KCNN2: variants seen among roughly 807,000 people sequenced by gnomAD.
KCNN2 encodes potassium calcium-activated channel subfamily N member 2.
A neutral mutation model predicts 55.5 loss-of-function variants in KCNN2; 24 were observed. That is an observed-to-expected ratio of 0.43 (90% CI 0.31 to 0.61). The LOEUF (loss-of-function observed/expected upper bound fraction) is 0.61. Ranked by LOEUF, KCNN2 falls within the 20% of genes least tolerant of loss-of-function variation. The probability of loss-of-function intolerance (pLI) is 0.08; values close to 1 mark genes in which losing one functional copy is unlikely to be tolerated. For synonymous variants in KCNN2, 431 were observed against 336.1 expected (o/e 1.28, Z -3.09); for missense variants, 754 against 853.6 (o/e 0.88, Z 1.45).
chr5:114,354,091 TG>T (rs1158773635), intron 2 of KCNN2, among the ~76,000 whole-genome samples: 1 of 151,998 alleles, frequency 6.6e-6, no homozygotes, highest in Non-Finnish European at 1.5e-5. Flanking sequence ...TCTGAGGTGC[TG>T]GGGGTTTTCT....
rs772401521 is a variant in KCNN2 at position 114,364,010 on chromosome 5, G to A, written c.1218+9G>A. The A allele has an allele frequency of 5.6e-6, 9 of 1,603,258 alleles. No individual in the cohort carries two copies. In the Admixed American group the frequency reaches 6.7e-5, roughly 12 times the overall value. On this transcript the variant is annotated intron_variant, in intron 2 of 7. Transcript: ENST00000673685. ...ACGCCAGGGAAATACAGGTAACTTAGGTCCTGCTGTTTATGAATGACCCAA... is the reference window on the plus strand; with the variant it reads ...ACGCCAGGGAAATACAGGTAACTTAAGTCCTGCTGTTTATGAATGACCCAA...
intron 1 of KCNN2, among the ~76,000 whole-genome samples, chr5:114,169,929 T>C (rs540750663): frequency 6.6e-6 from 1 of 152,214 alleles, no homozygotes; most frequent in East Asian, 1.9e-4. Context: ...TAGGCCCCCT[T>C]CTTATTATCC....
Position 114,362,183 on chromosome 5 carries a change from AGCC to A in KCNN2, c.59_61del (p.Pro20del), listed in dbSNP as rs566655645. 9.5e-4 allele frequency: 163 copies of A among 172,454 alleles called. No individual in the cohort carries two copies. The highest frequency in any genetic ancestry group is 2.0e-3 in the South Asian group (14 of 7,146). The allele number at this position is 172,454 out of a possible 1,614,324, so 10.7% of individuals were successfully genotyped here. Reference sequence around the variant, plus strand: ...TTCCAGCGCGGCTTCTTCCCAGAGCAGCCGCCGCCGCCGCCGCGCTCCTCACAC... The same window carrying A: ...TTCCAGCGCGGCTTCTTCCCAGAGCAGCCGCCGCCGCCGCGCTCCTCACAC... On this transcript the variant is annotated inframe_deletion, in exon 1 of 8. Coordinates refer to ENST00000673685, the MANE Select transcript of KCNN2 (RefSeq NM_021614.4).
At position 114,351,025 on chromosome 5, in the gene KCNN2, A is replaced by G. The variant is rs532753351; in HGVS notation, c.-184-9920A>G. Among the ~76,000 whole-genome samples the G allele has an allele frequency of 3.9e-5, 6 of 151,940 alleles. No homozygotes were observed. In the East Asian group the frequency reaches 9.6e-4, roughly 24 times the overall value. On this transcript the variant is annotated intron_variant, in intron 2 of 10. Coordinates refer to the KCNN2 transcript ENST00000512097. Reference sequence around the variant, plus strand: ...AGGATTTTGATAGGGATTTGATTGTATCTGTGGGTCAGTTTAGAGACTCTT... The same window carrying G: ...AGGATTTTGATAGGGATTTGATTGTGTCTGTGGGTCAGTTTAGAGACTCTT...
intron 2 of KCNN2, among the ~76,000 whole-genome samples, chr5:114,329,072 A>G (rs923839932): frequency 3.3e-5 from 5 of 152,092 alleles, no homozygotes; most frequent in South Asian, 2.1e-4. Context: ...CCTTCTTTAT[A>G]TTCCTAGATA....
Position 114,479,928 on chromosome 5 carries a change from A to G in KCNN2, c.1890+6764A>G, listed in dbSNP as rs539143218. 2.6e-5 allele frequency among the ~76,000 whole-genome samples: 4 copies of G among 152,170 alleles called. No homozygotes were observed. The East Asian group carries it at 7.7e-4, about 29-fold the overall frequency. ...GCACTAAATCCCCACACCAAAAGCC[A>G]GAAAGATTTCAAGTTACAACAGAAC... On this transcript the variant is annotated intron_variant, in intron 5 of 7. Transcript: ENST00000673685.
chr5:114,205,509 A>G (rs1054970533), intron 1 of KCNN2, among the ~76,000 whole-genome samples: 1 of 152,232 alleles, frequency 6.6e-6, no homozygotes, highest in African/African-American at 2.4e-5. Flanking sequence ...ACAGAATAGA[A>G]GTGCGAATTA....
chr5:114,102,756 T>C (rs1751398285), intron 1 of KCNN2, among the ~76,000 whole-genome samples: 2 of 151,958 alleles, frequency 1.3e-5, no homozygotes, highest in Non-Finnish European at 2.9e-5. Context: ...TAGATGTGTG[T>C]TGTTATTTCT....
intron 2 of KCNN2, among the ~76,000 whole-genome samples, chr5:114,227,047 T>G (rs1283013015): frequency 6.6e-6 from 1 of 152,210 alleles, no homozygotes; most frequent in Non-Finnish European, 1.5e-5. Context: ...TTTATTTTCT[T>G]GACCACTCAG....
intron 1 of KCNN2, among the ~76,000 whole-genome samples, chr5:114,097,655 A>G (rs1751287341): frequency 6.6e-6 from 1 of 152,178 alleles, no homozygotes; most frequent in African/African-American, 2.4e-5. Flanking sequence ...TATTTTCTTC[A>G]GAGGGCAAAC....
At chr5:114,433,516 C>T (rs975659248) in intron 3 of KCNN2, 2 of 152,320 alleles carry the variant, frequency 1.3e-5, no homozygotes, top group East Asian at 1.9e-4. Flanking sequence ...GCAGTGGCAA[C>T]CCGCTCGGGT....
chr5:114,376,266 GT>G (rs1757942295), intron 2 of KCNN2, among the ~76,000 whole-genome samples: 1 of 152,134 alleles, frequency 6.6e-6, no homozygotes, highest in South Asian at 2.1e-4. Context: ...GGGGACATGT[GT>G]TTAGGACTTA....
At chr5:114,202,470 G>A (rs909337453) in intron 1 of KCNN2, among the ~76,000 whole-genome samples, 1 of 141,230 alleles carries the variant, frequency 7.1e-6, no homozygotes, top group Non-Finnish European at 1.5e-5. Flanking sequence ...TCCTGGTTTT[G>A]TTAAATACCA....
chr5:114,266,228 G>T (rs146390481), intron 2 of KCNN2, among the ~76,000 whole-genome samples: 64 of 152,170 alleles, frequency 4.2e-4, no homozygotes, highest in Middle Eastern at 3.4e-3. Context: ...ACACATTTCA[G>T]TTCAGTCCAG....
intron 1 of KCNN2, among the ~76,000 whole-genome samples, chr5:114,119,321 A>C (rs1004446608): frequency 1.3e-5 from 2 of 152,202 alleles, no homozygotes; most frequent in Admixed American, 6.5e-5. Flanking sequence ...ACTTAGATAC[A>C]CAAAAGTCTG....
chr5:114,480,303 C>T (rs747467953), intron 5 of KCNN2, among the ~76,000 whole-genome samples: 16 of 151,896 alleles, frequency 1.1e-4, no homozygotes, highest in South Asian at 4.2e-4. Context: ...CTCCTACGAC[C>T]GAACCAAGAA....
chr5:114,164,745 G>A (rs983946391), intron 1 of KCNN2, among the ~76,000 whole-genome samples: 1 of 152,138 alleles, frequency 6.6e-6, no homozygotes. Context: ...GATCCTATAA[G>A]TTGTAGAACA....
chr5:114,343,446 C>T (rs910490776), intron 2 of KCNN2, among the ~76,000 whole-genome samples: 1 of 152,108 alleles, frequency 6.6e-6, no homozygotes, highest in Non-Finnish European at 1.5e-5. Flanking sequence ...ATACATCTTT[C>T]AACTGTGACT....
chr5:114,109,689 C>T lies in KCNN2; in HGVS notation c.-271+53189C>T, dbSNP rs79036389. 9.7e-3 allele frequency among the ~76,000 whole-genome samples: 1,473 copies of T among 152,180 alleles called. 23 individuals are homozygous for T. The highest frequency in any genetic ancestry group is 0.033 in the African/African-American group (1,363 of 41,542). Reference sequence around the variant, plus strand: ...CCTTCATGTGGAGAAAGTCCAATTACAGTGCAACAAGAGGTTCCAAACTGT... The same window carrying T: ...CCTTCATGTGGAGAAAGTCCAATTATAGTGCAACAAGAGGTTCCAAACTGT... On this transcript the variant is annotated intron_variant, in intron 1 of 10. Coordinates refer to the KCNN2 transcript ENST00000512097.
Sources: allele counts gnomAD v4.1 joint callset (sites outside exome capture counted in the v4.1 genomes callset), GRCh38; gene constraint gnomAD v4.1.1; transcripts MANE v1.5; gene names NCBI Gene and HGNC (gene_info 2026-07-23, HGNC 2026-07-21).